Variants in FHIP1A observed in about 807,000 individuals in gnomAD.
The protein encoded by FHIP1A is FHF complex subunit HOOK-interacting protein 1A.
In FHIP1A, 61 loss-of-function variants were observed where a neutral mutation model predicts 88.6. That is an observed-to-expected ratio of 0.69 (90% CI 0.56 to 0.85). The LOEUF is 0.85. Ranked by LOEUF, FHIP1A falls within the 40% of genes least tolerant of loss-of-function variation. The probability of loss-of-function intolerance (pLI) is 0.00; values close to 1 mark genes in which losing one functional copy is unlikely to be tolerated. For synonymous variants in FHIP1A, 478 were observed against 496.0 expected (o/e 0.96, Z 0.48); for missense variants, 1,154 against 1,273.5 (o/e 0.91, Z 1.43).
At chr4:151,628,164 T>C (rs1736023055) in intron 7 of FHIP1A, among the ~76,000 whole-genome samples, 4 of 152,170 alleles carry the variant, frequency 2.6e-5, no homozygotes, top group Admixed American at 6.5e-5. Flanking sequence ...GACTGAGAAC[T>C]TGCATTGTTG....
intron 3 of FHIP1A, among the ~76,000 whole-genome samples, chr4:151,517,414 C>T (rs1731282928): frequency 6.6e-6 from 1 of 151,986 alleles, no homozygotes; most frequent in South Asian, 2.1e-4. Context: ...AACTAACCTG[C>T]ACATTGTGCA....
intron 4 of FHIP1A, among the ~76,000 whole-genome samples, chr4:151,569,104 GC>G (rs1306161398): frequency 2.0e-5 from 3 of 152,274 alleles, no homozygotes; most frequent in Admixed American, 6.5e-5. Context: ...AAGCTCCTAG[GC>G]CTACTGTGAC....
At chr4:151,514,710 T>C (rs1361689573) in intron 3 of FHIP1A, among the ~76,000 whole-genome samples, 4 of 151,888 alleles carry the variant, frequency 2.6e-5, no homozygotes, top group Admixed American at 1.3e-4. Flanking sequence ...CTAGAAGAAA[T>C]GGATAAATTC....
intron 3 of FHIP1A, among the ~76,000 whole-genome samples, chr4:151,496,664 C>T (rs541339818): frequency 6.0e-5 from 9 of 150,544 alleles, no homozygotes; most frequent in South Asian, 2.1e-4. Flanking sequence ...TTGATTTTCC[C>T]ATCTCAGTCA....
intron 3 of FHIP1A, among the ~76,000 whole-genome samples, chr4:151,508,276 G>A (rs1301513608): frequency 1.3e-5 from 2 of 152,154 alleles, no homozygotes; most frequent in African/African-American, 4.8e-5. Flanking sequence ...CTTAAGATCT[G>A]GGAAAGAACA....
chr4:151,548,136 C>A (rs2126739117), intron 3 of FHIP1A, among the ~76,000 whole-genome samples: 1 of 152,152 alleles, frequency 6.6e-6, no homozygotes, highest in South Asian at 2.1e-4. Context: ...CCACTCAATG[C>A]CTTTAATTAA....
At chr4:151,452,635 G>A (rs1216216477) in intron 1 of FHIP1A, among the ~76,000 whole-genome samples, 1 of 151,824 alleles carries the variant, frequency 6.6e-6, no homozygotes, top group Non-Finnish European at 1.5e-5. Context: ...AAACTAGCTG[G>A]GTGTGGTGGC....
chr4:151,659,059 T>A (rs1025379502), intron 13 of FHIP1A, among the ~76,000 whole-genome samples: 3 of 152,170 alleles, frequency 2.0e-5, no homozygotes, highest in Non-Finnish European at 2.9e-5. Context: ...TTTCAGAATG[T>A]CTGGAGGCCA....
Position 151,665,224 on chromosome 4 carries a change from G to A in FHIP1A, c.*2470G>A, listed in dbSNP as rs1485695055. Reference sequence around the variant, plus strand: ...AGTCCTGGGCTCAAGTGATCGTCCCGCCTTGGCCTCCCGAAGTGCTGGGAT... The same window carrying A: ...AGTCCTGGGCTCAAGTGATCGTCCCACCTTGGCCTCCCGAAGTGCTGGGAT... On this transcript the variant is annotated 3_prime_UTR_variant, in exon 14 of 14. Transcript: ENST00000435205. Among the ~76,000 whole-genome samples, 2 of 152,172 alleles carry A rather than the reference G, an allele frequency of 1.3e-5. No homozygotes were observed. Among genetic ancestry groups the A allele is most frequent in the Admixed American group, 6.5e-5 (1 of 15,284 alleles).
At chr4:151,519,660 G>A (rs1019826478) in intron 3 of FHIP1A, among the ~76,000 whole-genome samples, 1 of 151,902 alleles carries the variant, frequency 6.6e-6, no homozygotes, top group Non-Finnish European at 1.5e-5. Flanking sequence ...TGTTTCTTTT[G>A]GGTAAATACC....
At position 151,665,608 on chromosome 4, in the gene FHIP1A, G is replaced by A. The variant is rs571920336; in HGVS notation, c.*2854G>A. ...ACAGCAGAGAACTGAGTCTATCCAC[G>A]GGAGAAGAGCAAATCCTGCACGATT... On this transcript the variant is annotated 3_prime_UTR_variant, in exon 14 of 14. Transcript: ENST00000435205. Among the ~76,000 whole-genome samples, 1 of 152,294 alleles carries A rather than the reference G, an allele frequency of 6.6e-6. No individual in the cohort carries two copies. The highest frequency in any genetic ancestry group is 2.1e-4 in the South Asian group (1 of 4,822).
intron 2 of FHIP1A, among the ~76,000 whole-genome samples, chr4:151,481,183 G>C (rs1729882792): frequency 6.6e-6 from 1 of 151,868 alleles, no homozygotes; most frequent in Non-Finnish European, 1.5e-5. Flanking sequence ...TTTTGCATAA[G>C]TAGTTGTGAT....
chr4:151,417,692 G>A (rs1403165354), intron 1 of FHIP1A, among the ~76,000 whole-genome samples: 3 of 152,120 alleles, frequency 2.0e-5, no homozygotes. Context: ...CTGTTCTTCT[G>A]CCTCAGTAGG....
At chr4:151,639,777 G>A (rs1182439804) in intron 9 of FHIP1A, among the ~76,000 whole-genome samples, 2 of 152,122 alleles carry the variant, frequency 1.3e-5, no homozygotes, top group Admixed American at 1.3e-4. Flanking sequence ...TGGTGTGGAA[G>A]CAAAAACGAA....
intron 7 of FHIP1A, among the ~76,000 whole-genome samples, chr4:151,605,424 G>A (rs1045159399): frequency 2.6e-5 from 4 of 152,136 alleles, no homozygotes; most frequent in Admixed American, 1.3e-4. Flanking sequence ...ACAGGCATTC[G>A]CAATGATAAC....
chr4:151,610,071 A>C lies in FHIP1A; in HGVS notation c.979-19631A>C, dbSNP rs559721382. Among the ~76,000 whole-genome samples, 6 of 152,328 alleles carry C rather than the reference A, an allele frequency of 3.9e-5. No homozygotes were observed. The East Asian group carries it at 1.2e-3, about 29-fold the overall frequency. On this transcript the variant is annotated intron_variant, in intron 7 of 13. Coordinates refer to ENST00000435205, the MANE Select transcript of FHIP1A (RefSeq NM_001109977.3). ...ATGTGGATTTTAGAGTCAGACTACC[A>C]GGATTGGTTTCCCAGCTCTGCCACT...
chr4:151,411,904 C>T (rs1364771140), intron 1 of FHIP1A, among the ~76,000 whole-genome samples: 1 of 152,134 alleles, frequency 6.6e-6, no homozygotes, highest in Non-Finnish European at 1.5e-5. Context: ...GAACAGTGCT[C>T]AAGAGTGACA....
chr4:151,480,826 TC>T (rs1354896227), intron 2 of FHIP1A, among the ~76,000 whole-genome samples: 2 of 151,904 alleles, frequency 1.3e-5, no homozygotes, highest in Non-Finnish European at 2.9e-5. Flanking sequence ...TCACACTGTG[TC>T]CCCCCACCCC....
Position 151,628,409 on chromosome 4 carries a change from A to G in FHIP1A, c.979-1293A>G, listed in dbSNP as rs754644646. On this transcript the variant is annotated intron_variant, in intron 7 of 13. Transcript: ENST00000435205. ...CCAAAATAGATAGCTCCAAGCCTTTATGCACAGATGCATCCACTCAGGGCT... is the reference window on the plus strand; with the variant it reads ...CCAAAATAGATAGCTCCAAGCCTTTGTGCACAGATGCATCCACTCAGGGCT... 3.1e-4 allele frequency among the ~76,000 whole-genome samples: 47 copies of G among 151,970 alleles called. 1 individual carries two copies. The highest frequency in any genetic ancestry group is 5.9e-4 in the Non-Finnish European group (40 of 67,978).
Sources: gnomAD v4.1 joint callset for allele counts (sites outside exome capture counted in the v4.1 genomes callset) on GRCh38, gnomAD v4.1.1 for gene constraint, MANE v1.5 for transcripts, NCBI Gene and HGNC (gene_info 2026-07-23, HGNC 2026-07-21) for gene names.